The following CHST11 variants were observed in gnomAD, a reference collection of about 807,000 sequenced individuals.
CHST11 encodes the protein carbohydrate sulfotransferase 11, also known as C4S-1.
CHST11 carries 9 observed loss-of-function variants against 30.4 expected under a neutral mutation model. That is an observed-to-expected ratio of 0.30 (90% CI 0.18 to 0.52). The LOEUF is 0.52. Ranked by LOEUF, CHST11 falls within the 20% of genes least tolerant of loss-of-function variation. The probability of loss-of-function intolerance (pLI) is 0.97; values close to 1 mark genes in which losing one functional copy is unlikely to be tolerated. For missense variants in CHST11, 348 were observed against 460.6 expected, an observed-to-expected ratio of 0.76 and a Z score of 2.24; for synonymous variants, 152 against 187.8, an observed-to-expected ratio of 0.81 and a Z score of 1.56.
intron 1 of CHST11, among the ~76,000 whole-genome samples, chr12:104,599,787 A>G (rs1043326085): frequency 1.3e-5 from 2 of 152,182 alleles, no homozygotes; most frequent in Admixed American, 6.5e-5. Context: ...CTCTAGGGCA[A>G]GGGTTGGCAA....
At chr12:104,500,964 G>A (rs2037848288) in intron 1 of CHST11, among the ~76,000 whole-genome samples, 2 of 152,148 alleles carry the variant, frequency 1.3e-5, no homozygotes, top group Admixed American at 1.3e-4. Context: ...GCCCTTGTGA[G>A]GAGGTTGGAT....
At chr12:104,565,326 G>A (rs1161008233) in intron 1 of CHST11, among the ~76,000 whole-genome samples, 1 of 145,878 alleles carries the variant, frequency 6.9e-6, no homozygotes, top group Non-Finnish European at 1.5e-5. Flanking sequence ...GAGTGCAGTG[G>A]CATGATCTTG....
intron 2 of CHST11, among the ~76,000 whole-genome samples, chr12:104,691,691 T>C (rs960544141): frequency 1.3e-5 from 2 of 152,082 alleles, no homozygotes; most frequent in African/African-American, 4.8e-5. Flanking sequence ...GGTTTCACCA[T>C]GTTGGCCAGG....
intron 1 of CHST11, among the ~76,000 whole-genome samples, chr12:104,575,753 G>A (rs2038678158): frequency 6.6e-6 from 1 of 152,032 alleles, no homozygotes; most frequent in South Asian, 2.1e-4. Flanking sequence ...AGGCTGTTCT[G>A]CAGGCAACAG....
At chr12:104,553,928 G>A (rs1044387283) in intron 1 of CHST11, among the ~76,000 whole-genome samples, 1 of 152,136 alleles carries the variant, frequency 6.6e-6, no homozygotes, top group South Asian at 2.1e-4. Context: ...CTCAGTGAAG[G>A]TATCAGCCAG....
intron 2 of CHST11, among the ~76,000 whole-genome samples, chr12:104,738,357 G>T (rs770266362): frequency 6.6e-6 from 1 of 152,138 alleles, no homozygotes; most frequent in Non-Finnish European, 1.5e-5. Flanking sequence ...GGCCTTCGGC[G>T]CCAGCTCACT....
At chr12:104,602,271 A>G in intron 2 of CHST11, 1 of 481,820 alleles carries the variant, frequency 2.1e-6, no homozygotes. Context: ...AAGTTCGAGC[A>G]ATGGGACTCG....
At chr12:104,599,779 C>T (rs1289653806) in intron 1 of CHST11, among the ~76,000 whole-genome samples, 2 of 152,216 alleles carry the variant, frequency 1.3e-5, no homozygotes, top group Admixed American at 1.3e-4. Flanking sequence ...GGGCAGTTCT[C>T]TAGGGCAAGG....
chr12:104,561,856 T>C (rs1406166942), intron 1 of CHST11, among the ~76,000 whole-genome samples: 1 of 150,668 alleles, frequency 6.6e-6, no homozygotes, highest in East Asian at 2.0e-4. Context: ...AGTGGTGTGA[T>C]CTCGGCTCAC....
chr12:104,739,071 G>A (rs2040326106), intron 2 of CHST11, among the ~76,000 whole-genome samples: 1 of 152,216 alleles, frequency 6.6e-6, no homozygotes, highest in African/African-American at 2.4e-5. Context: ...AGCGGGACCT[G>A]CAGGTGGCAG....
At chr12:104,591,384 C>G (rs908815216) in intron 1 of CHST11, among the ~76,000 whole-genome samples, 1 of 151,798 alleles carries the variant, frequency 6.6e-6, no homozygotes, top group African/African-American at 2.4e-5. Flanking sequence ...TGTCATAGCC[C>G]AAGGGGAAGG....
chr12:104,462,167 C>CAAAAAAAAAAA (rs796356338), intron 1 of CHST11, among the ~76,000 whole-genome samples: 24 of 65,156 alleles, frequency 3.7e-4, no homozygotes, highest in East Asian at 5.9e-4. Flanking sequence ...AACACCATCT[C>CAAAAAAAAAAA]AAAAAAAAAA....
chr12:104,513,123 T>TTG (rs1555229063), intron 1 of CHST11, among the ~76,000 whole-genome samples: 12 of 3,390 alleles, frequency 3.5e-3, no homozygotes, highest in African/African-American at 0.018. Flanking sequence ...ATGTCATGAC[T>TTG]GGGGGGGGGG....
At chr12:104,679,055 G>C (rs2039768985) in intron 2 of CHST11, among the ~76,000 whole-genome samples, 1 of 152,170 alleles carries the variant, frequency 6.6e-6, no homozygotes, top group South Asian at 2.1e-4. Context: ...TTGGTACTCA[G>C]TAGACATTAG....
chr12:104,540,532 C>T (rs570701157), intron 1 of CHST11, among the ~76,000 whole-genome samples: 98 of 152,158 alleles, frequency 6.4e-4, no homozygotes, highest in African/African-American at 2.3e-3. Context: ...GAGACAGGAA[C>T]CTCGAGCTAT....
chr12:104,474,043 A>G (rs1054350583), intron 1 of CHST11, among the ~76,000 whole-genome samples: 1 of 152,190 alleles, frequency 6.6e-6, no homozygotes, highest in Non-Finnish European at 1.5e-5. Context: ...TAAAGGGGGC[A>G]TGTGGACAGG....
chr12:104,621,161 T>C (rs1246235388), intron 2 of CHST11, among the ~76,000 whole-genome samples: 2 of 152,240 alleles, frequency 1.3e-5, no homozygotes, highest in Non-Finnish European at 2.9e-5. Context: ...CAGTGGGATC[T>C]TGGGGAGTCT....
chr12:104,679,918 G>C (rs909205598), intron 2 of CHST11, among the ~76,000 whole-genome samples: 3 of 152,178 alleles, frequency 2.0e-5, no homozygotes, highest in Admixed American at 6.5e-5. Context: ...AACCCCTCTG[G>C]TTTGTTTTTG....
chr12:104,469,129 C>T (rs923799951), intron 1 of CHST11, among the ~76,000 whole-genome samples: 4 of 152,036 alleles, frequency 2.6e-5, no homozygotes, highest in Admixed American at 2.0e-4. Flanking sequence ...AGTTTTTATC[C>T]TTTTAACATG....
Sources: allele counts gnomAD v4.1 joint callset (sites outside exome capture counted in the v4.1 genomes callset), GRCh38; gene constraint gnomAD v4.1.1; transcripts MANE v1.5; gene names NCBI Gene and HGNC (gene_info 2026-07-23, HGNC 2026-07-21).